The following ZNF316 variants were observed in gnomAD, a reference collection of about 807,000 sequenced individuals.
The protein encoded by ZNF316 is zinc finger protein 316.
In ZNF316, 23 loss-of-function variants were observed where a neutral mutation model predicts 75.6. That is an observed-to-expected ratio of 0.30 (90% CI 0.22 to 0.43). The LOEUF is 0.43. Ranked by LOEUF, ZNF316 falls within the 20% of genes least tolerant of loss-of-function variation. The pLI is 1.00. For synonymous variants in ZNF316, 827 were observed against 666.2 expected (o/e 1.24, Z -3.72); for missense variants, 1,266 against 1,409.4 (o/e 0.90, Z 1.63).
Position 6,653,547 on chromosome 7 carries a change from G to A in ZNF316, c.1951G>A (p.Asp651Asn). Residue 651 changes from aspartate to asparagine, a missense_variant, in exon 9 of 9, where the codon GAC becomes AAC. Coordinates refer to ENST00000382252, the MANE Select transcript of ZNF316 (RefSeq NM_001278559.2). ...SLVEGTGLAC[D>N]PFGGGGAAGG... ...GGTGGAGGGTACCGGGCTGGCGTGC[G>A]ACCCTTTCGGCGGCGGCGGGGCCGC... 1 of 1,198,276 alleles carries A rather than the reference G, an allele frequency of 8.3e-7. No homozygotes were observed. The highest frequency in any genetic ancestry group is 1.0e-6 in the Non-Finnish European group (1 of 966,900). The allele number at this position is 1,198,276 out of a possible 1,614,324, so 74.2% of individuals were successfully genotyped here.
chr7:6,653,602 G>T lies in ZNF316; in HGVS notation c.2006G>T (p.Gly669Val). ...AGGGGGLRAFGPAIGGLLAEP... is the reference protein window; with the variant it reads ...AGGGGGLRAFVPAIGGLLAEP... Reference sequence around the variant, plus strand: ...GGCGGAGGCGGCCTGCGCGCGTTCGGGCCCGCCATCGGGGGTCTGCTGGCG... The same window carrying T: ...GGCGGAGGCGGCCTGCGCGCGTTCGTGCCCGCCATCGGGGGTCTGCTGGCG... The change falls in exon 9 of 9, where the codon GGG becomes GTG. Residue 669 changes from glycine (G) to valine (V), a missense_variant. By Grantham distance (109) the Gly-to-Val change is moderately radical. Around this residue, in one of 3 missense-constraint regions of ZNF316, gnomAD observed 961 missense variants for 990.9 expected, o/e 0.97. Coordinates refer to ENST00000382252, the MANE Select transcript of ZNF316 (RefSeq NM_001278559.2). 9.4e-7 allele frequency: 1 copy of T among 1,063,274 alleles called. No individual in the cohort carries two copies. The highest frequency in any genetic ancestry group is 1.7e-5 in the African/African-American group (1 of 58,112). 65.9% of individuals were successfully genotyped at this position (1,063,274 alleles called of 1,614,324 possible).
rs1583450632 is a variant in ZNF316 at position 6,657,929 on chromosome 7, A to G, written c.*3318A>G. The stretch of plus-strand genomic sequence containing the variant: ...AAAAAAAGTTTATAGGGAGAAAAAT[A>G]CCCTCCCCCATCCAATGGTCATAGG... On this transcript the variant is annotated 3_prime_UTR_variant, in exon 9 of 9. Transcript: ENST00000382252. Among the ~76,000 whole-genome samples the G allele has an allele frequency of 6.6e-6, 1 of 151,710 alleles. No individual in the cohort carries two copies. The highest frequency in any genetic ancestry group is 2.4e-5 in the African/African-American group (1 of 41,316).
intron 8 of ZNF316, among the ~76,000 whole-genome samples, chr7:6,649,050 G>C (rs914409062): frequency 6.6e-6 from 1 of 152,110 alleles, no homozygotes; most frequent in African/African-American, 2.4e-5. Flanking sequence ...CCTGTCACCT[G>C]CCGCTGGATG....
In ZNF316 at chr7:6,654,446, A is replaced by AGCCCCC. The variant is rs1363699239; in HGVS notation, c.2853_2858dup (p.Ala953_Pro954dup). 2.5e-6 allele frequency: 3 copies of AGCCCCC among 1,202,400 alleles called. No homozygotes were observed. Among genetic ancestry groups the AGCCCCC allele is most frequent in the Non-Finnish European group, 3.1e-6 (3 of 969,404 alleles). 74.5% of individuals were successfully genotyped at this position (1,202,400 alleles called of 1,614,324 possible). A position where few individuals can be genotyped will look rare whatever the true frequency, so the allele number is the denominator to read the frequency against. ...CAGCGCCGGGCTCGGGTTCGGCCCC[A>AGCCCCC]GCCCCCGCGCCCAAGCCCGAGGCGG... On this transcript the variant is annotated inframe_insertion, in exon 9 of 9. Coordinates refer to ENST00000382252, the MANE Select transcript of ZNF316 (RefSeq NM_001278559.2).
chr7:6,638,520 A>G (rs745982798), intron 2 of ZNF316, among the ~76,000 whole-genome samples: 5 of 152,156 alleles, frequency 3.3e-5, no homozygotes, highest in African/African-American at 4.8e-5. Flanking sequence ...TCAACTTTCA[A>G]GCTTTGCCTC....
intron 8 of ZNF316, among the ~76,000 whole-genome samples, chr7:6,651,374 G>C (rs1309157568): frequency 6.6e-6 from 1 of 151,758 alleles, no homozygotes; most frequent in African/African-American, 2.4e-5. Context: ...ATAAAAAAAG[G>C]CTGGGCGCGG....
At position 6,652,353 on chromosome 7, in the gene ZNF316, G is replaced by A; in HGVS notation, c.757G>A (p.Glu253Lys). 3 of 1,232,418 alleles carry A rather than the reference G, an allele frequency of 2.4e-6. No homozygotes were observed. The highest frequency in any genetic ancestry group is 4.1e-5 in the South Asian group (1 of 24,322). 76.3% of individuals were successfully genotyped at this position (1,232,418 alleles called of 1,614,324 possible). ...DIEDHEEEDD[E>K]DFLAEVAEEE... ...AGAGGACCACGAGGAGGAAGACGAC[G>A]AGGACTTCCTGGCGGAGGTGGCCGA... Residue 253 changes from glutamate to lysine, a missense_variant, in exon 9 of 9, where the codon GAG (glutamate) becomes AAG (lysine). By Grantham distance (56) the Glu-to-Lys change is moderately conservative. Coordinates refer to ENST00000382252, the MANE Select transcript of ZNF316 (RefSeq NM_001278559.2).
chr7:6,653,056 G>A lies in ZNF316; in HGVS notation c.1460G>A (p.Cys487Tyr). The change falls in exon 9 of 9, where the codon TGT (cysteine) becomes TAT (tyrosine). Residue 487 changes from cysteine (C) to tyrosine (Y), a missense_variant. Cys to Tyr is a radical substitution (Grantham distance 194, BLOSUM62 -2). Coordinates refer to ENST00000382252, the MANE Select transcript of ZNF316 (RefSeq NM_001278559.2). ...AVHTADRPHC[C>Y]PDCGQAFRLR... Reference sequence around the variant, plus strand: ...CACACGGCCGACCGCCCGCACTGCTGTCCCGACTGCGGCCAGGCCTTCCGC... The same window carrying A: ...CACACGGCCGACCGCCCGCACTGCTATCCCGACTGCGGCCAGGCCTTCCGC... The A allele has an allele frequency of 8.2e-7, 1 of 1,214,748 alleles. No homozygotes were observed. The highest frequency in any genetic ancestry group is 1.0e-6 in the Non-Finnish European group (1 of 977,406). 75.2% of individuals were successfully genotyped at this position (1,214,748 alleles called of 1,614,324 possible).
chr7:6,651,847 C>T (rs545331691), intron 8 of ZNF316, among the ~76,000 whole-genome samples: 2 of 152,336 alleles, frequency 1.3e-5, no homozygotes, highest in Admixed American at 1.3e-4. Flanking sequence ...CCAGGAAGGC[C>T]AGGGAGGCGG....
rs996558201 is a variant in ZNF316, at chr7:6,653,221, T to C, written c.1625T>C (p.Val542Ala). 2 of 1,223,418 alleles carry C rather than the reference T, an allele frequency of 1.6e-6. No homozygotes were observed. Among genetic ancestry groups the C allele is most frequent in the Non-Finnish European group, 2.0e-6 (2 of 983,052 alleles). 75.8% of individuals were successfully genotyped at this position (1,223,418 alleles called of 1,614,324 possible). ...GACCCTGGGCCAGAGGGATCTGAAG[T>C]TGGCGAGGCGGACGGAGAGGCGGAG... ...DTDPGPEGSE[V>A]GEADGEAEAA... Residue 542 changes from valine to alanine, a missense_variant, in exon 9 of 9, where the codon GTT (valine) becomes GCT (alanine). Val to Ala is a moderately conservative substitution (Grantham distance 64). Transcript: ENST00000382252.
rs1779630362 is a variant in ZNF316 at position 6,656,507 on chromosome 7, T to A, written c.*1896T>A. 1 of 152,252 alleles carries A rather than the reference T, an allele frequency of 6.6e-6. No homozygotes were observed. Among genetic ancestry groups the A allele is most frequent in the Admixed American group, 6.5e-5 (1 of 15,284 alleles). The allele number at this position is 152,252 out of a possible 1,614,324, so 9.4% of individuals were successfully genotyped here. Reference sequence around the variant, plus strand: ...GGCTCTGCGCGGCCTCAGGTCCAACTTGTTTCTGCAAACATTTTTTAAAAG... The same window carrying A: ...GGCTCTGCGCGGCCTCAGGTCCAACATGTTTCTGCAAACATTTTTTAAAAG... On this transcript the variant is annotated 3_prime_UTR_variant, in exon 9 of 9. Transcript: ENST00000382252.
chr7:6,651,318 C>G (rs1471971926), intron 8 of ZNF316, among the ~76,000 whole-genome samples: 2 of 151,620 alleles, frequency 1.3e-5, no homozygotes, highest in African/African-American at 2.4e-5. Context: ...CCATTGCACT[C>G]CAGCCTGGGC....
chr7:6,648,137 G>A (rs1420417692), intron 8 of ZNF316, among the ~76,000 whole-genome samples: 1 of 152,230 alleles, frequency 6.6e-6, no homozygotes, highest in Non-Finnish European at 1.5e-5. Context: ...CCTCCCAGGT[G>A]TAGGGACCTT....
chr7:6,652,439 G>A lies in ZNF316; in HGVS notation c.843G>A (p.Gly281=), dbSNP rs1779523539. 1.9e-5 allele frequency: 23 copies of A among 1,232,078 alleles called. No individual in the cohort carries two copies. The highest frequency in any genetic ancestry group is 2.3e-5 in the Non-Finnish European group (23 of 987,912). 76.3% of individuals were successfully genotyped at this position (1,232,078 alleles called of 1,614,324 possible). The change falls in exon 9 of 9, where the codon GGG becomes GGA. Residue 281 remains glycine (G), a synonymous_variant. Coordinates refer to ENST00000382252, the MANE Select transcript of ZNF316 (RefSeq NM_001278559.2). Reference sequence around the variant, plus strand: ...CCTACGGCGTGGGGGACGTGCCTGGGACGTGGGGGCCCGACGACTCGGATT... The same window carrying A: ...CCTACGGCGTGGGGGACGTGCCTGGAACGTGGGGGCCCGACGACTCGGATT... ...SAAYGVGDVP[G]TWGPDDSDSA...
At chr7:6,646,238 A>G (rs1194229681) in intron 8 of ZNF316, among the ~76,000 whole-genome samples, 3 of 152,116 alleles carry the variant, frequency 2.0e-5, no homozygotes, top group Admixed American at 2.0e-4. Flanking sequence ...TTCTCCAGAT[A>G]CTTGGGGACC....
Position 6,653,461 on chromosome 7 carries a change from G to C in ZNF316, c.1865G>C (p.Arg622Pro). The C allele has an allele frequency of 1.6e-6, 2 of 1,227,318 alleles. No homozygotes were observed. The highest frequency in any genetic ancestry group is 2.0e-6 in the Non-Finnish European group (2 of 985,426). The allele number at this position is 1,227,318 out of a possible 1,614,324, so 76.0% of individuals were successfully genotyped here. Residue 622 changes from arginine (R) to proline (P), a missense_variant, in exon 9 of 9, where the codon CGA becomes CCA. Physicochemically the swap from Arg to Pro is moderately radical, Grantham distance 103. Coordinates refer to ENST00000382252, the MANE Select transcript of ZNF316 (RefSeq NM_001278559.2). ...CCGATCCTGGGCCTACCCGACTTCC[G>C]AGAGCGGCTGCCGGTCGACGGGCGC... ...SFPILGLPDF[R>P]ERLPVDGRPL...
chr7:6,643,576 C>G (rs928016499), intron 6 of ZNF316, among the ~76,000 whole-genome samples: 5 of 152,210 alleles, frequency 3.3e-5, no homozygotes, highest in Admixed American at 6.5e-5. Context: ...GTCTCCTGGC[C>G]TCTGCTTGAG....
rs893356201 is a variant in ZNF316, at chr7:6,657,936, C to G, written c.*3325C>G. On this transcript the variant is annotated 3_prime_UTR_variant, in exon 9 of 9. Coordinates refer to ENST00000382252, the MANE Select transcript of ZNF316 (RefSeq NM_001278559.2). ...GTTTATAGGGAGAAAAATACCCTCCCCCATCCAATGGTCATAGGAAAAAAA... is the reference window on the plus strand; with the variant it reads ...GTTTATAGGGAGAAAAATACCCTCCGCCATCCAATGGTCATAGGAAAAAAA... Among the ~76,000 whole-genome samples, 1 of 151,958 alleles carries G rather than the reference C, an allele frequency of 6.6e-6. No individual in the cohort carries two copies. Among genetic ancestry groups the G allele is most frequent in the Admixed American group, 6.6e-5 (1 of 15,252 alleles).
rs1583437353 is a variant in ZNF316 at position 6,637,492 on chromosome 7, G to A, written c.-431+45G>A. 2 of 146,532 alleles carry A rather than the reference G, an allele frequency of 1.4e-5. No homozygotes were observed. The highest frequency in any genetic ancestry group is 4.0e-4 in the East Asian group (2 of 4,998). The allele number at this position is 146,532 out of a possible 1,614,324, so 9.1% of individuals were successfully genotyped here. The stretch of plus-strand genomic sequence containing the variant: ...CCGGTGGGCGGCGGCGCGGGCGGCA[G>A]GTGCGGGCGGGCCGGGCTTGCGCTC... On this transcript the variant is annotated intron_variant, in intron 1 of 8. Transcript: ENST00000382252. The surrounding 1 kb of genome is among the most constrained non-coding windows in gnomAD (Gnocchi z 6.2).
Sources: allele counts gnomAD v4.1 joint callset (sites outside exome capture counted in the v4.1 genomes callset), GRCh38; gene constraint gnomAD v4.1.1; regional missense constraint gnomAD v4.1.1; non-coding constraint Gnocchi (gnomAD v3.1); transcripts MANE v1.5; gene names NCBI Gene and HGNC (gene_info 2026-07-23, HGNC 2026-07-21).